Variants in AKAP13 observed in about 807,000 individuals in gnomAD.
The protein encoded by AKAP13 is A-kinase anchoring protein 13.
AKAP13 carries 80 observed loss-of-function variants against 264.5 expected under a neutral mutation model. The observed-to-expected ratio is 0.30, with a 90% CI of 0.25 to 0.36. The LOEUF is 0.36. Ranked by LOEUF, AKAP13 falls within the 10% of genes least tolerant of loss-of-function variation. The pLI, the probability that AKAP13 is intolerant of heterozygous loss-of-function variation, is 1.00. For missense variants in AKAP13, 3,712 were observed against 3,435.2 expected (o/e 1.08, Z -2.01); for synonymous variants, 1,380 against 1,250.2 (o/e 1.10, Z -2.19).
intron 1 of AKAP13, among the ~76,000 whole-genome samples, chr15:85,393,660 A>C (rs1715975824): frequency 6.6e-6 from 1 of 152,252 alleles, no homozygotes; most frequent in African/African-American, 2.4e-5. Flanking sequence ...TAATCCTATA[A>C]GACAGATATT....
At chr15:85,457,969 G>A (rs1280901368) in intron 1 of AKAP13, among the ~76,000 whole-genome samples, 2 of 151,656 alleles carry the variant, frequency 1.3e-5, no homozygotes, top group South Asian at 2.1e-4. Context: ...GTGAAACCCC[G>A]TCTCTACTAA....
chr15:85,437,862 A>G (rs1327357210), intron 1 of AKAP13, among the ~76,000 whole-genome samples: 1 of 151,714 alleles, frequency 6.6e-6, no homozygotes, highest in African/African-American at 2.4e-5. Flanking sequence ...CCAATATCAT[A>G]CTGAATGGGC....
At chr15:85,735,274 A>G in intron 31 of AKAP13, 124 bp downstream of exon 31, 1 of 1,281,056 alleles carries the variant, frequency 7.8e-7, no homozygotes. Flanking sequence ...GTGAGATTTC[A>G]AGACACTCAA....
chr15:85,720,844 T>C (rs573277808), intron 23 of AKAP13, among the ~76,000 whole-genome samples: 4 of 152,336 alleles, frequency 2.6e-5, no homozygotes, highest in Admixed American at 2.0e-4. Context: ...CAGGTAGAAC[T>C]ACAAAGGGGG....
rs2089358563 is a variant in AKAP13 at position 85,746,028 on chromosome 15, A to G, written c.*1351A>G. 1 of 152,282 alleles carries G rather than the reference A, an allele frequency of 6.6e-6. No homozygotes were observed. Among genetic ancestry groups the G allele is most frequent in the African/African-American group, 2.4e-5 (1 of 41,422 alleles). The allele number at this position is 152,282 out of a possible 1,614,324, so 9.4% of individuals were successfully genotyped here. ...TTTCCCCAGCTGGTGTGTGCAGGAC[A>G]GTTCATGGTAATGTTGCCCTCTGAG... On this transcript the variant is annotated 3_prime_UTR_variant, in exon 37 of 37. Coordinates refer to ENST00000394518, the MANE Select transcript of AKAP13 (RefSeq NM_007200.5).
intron 1 of AKAP13, among the ~76,000 whole-genome samples, chr15:85,383,226 T>C (rs1365105743): frequency 6.6e-6 from 1 of 152,082 alleles, no homozygotes; most frequent in African/African-American, 2.4e-5. Flanking sequence ...ACAAATCTAG[T>C]CACAACTCTC....
chr15:85,736,163 A>G, intron 33 of AKAP13, 29 bp downstream of exon 33: 2 of 1,545,518 alleles, frequency 1.3e-6, no homozygotes, highest in Non-Finnish European at 1.8e-6. Context: ...ATTTAAGAAA[A>G]TATGTGTTTG....
intron 34 of AKAP13, 143 bp from the exon 35 acceptor site, chr15:85,740,903 T>C: frequency 2.9e-6 from 4 of 1,389,596 alleles, no homozygotes; most frequent in Non-Finnish European, 3.8e-6. Flanking sequence ...CTGGAGCATT[T>C]TTATGAGACG....
chr15:85,412,946 G>T (rs1423356234), intron 1 of AKAP13, among the ~76,000 whole-genome samples: 1 of 152,146 alleles, frequency 6.6e-6, no homozygotes. Context: ...ACAAATCAGG[G>T]GGCTAAGGCA....
chr15:85,581,182 C>T lies in AKAP13; in HGVS notation c.3114C>T (p.Asn1038=). 6.2e-7 allele frequency: 1 copy of T among 1,614,198 alleles called. No individual in the cohort carries two copies. The highest frequency in any genetic ancestry group is 8.5e-7 in the Non-Finnish European group (1 of 1,180,020). ...AGGAAGCCTTGGGGGCAGAGCACAA[C>T]AGCTCCGCTCTGTTGCCATGTCTGT... ...SRQEALGAEH[N]SSALLPCLLP... is the part of the protein sequence containing the mutation. Residue 1038 remains asparagine, a synonymous_variant, in exon 7 of 37, where the codon AAC becomes AAT. Coordinates refer to ENST00000394518, the MANE Select transcript of AKAP13 (RefSeq NM_007200.5).
rs1597175215 is a variant in AKAP13 at position 85,722,078 on chromosome 15, C to G, written c.6340C>G (p.Leu2114Val). 1 of 1,614,114 alleles carries G rather than the reference C, an allele frequency of 6.2e-7. No individual in the cohort carries two copies. The highest frequency in any genetic ancestry group is 1.1e-5 in the South Asian group (1 of 91,078). The part of the protein sequence containing the change: ...HNQSVNYFKD[L>V]YAKDKRFQAF... Reference sequence around the variant, plus strand: ...CCAGTCTGTAAACTACTTCAAAGACCTTTATGCCAAGGATAAGCGTTTTCA... The same window carrying G: ...CCAGTCTGTAAACTACTTCAAAGACGTTTATGCCAAGGATAAGCGTTTTCA... Residue 2114 changes from leucine to valine, a missense_variant, in exon 24 of 37, where the codon CTT becomes GTT. Transcript: ENST00000394518.
intron 17 of AKAP13, among the ~76,000 whole-genome samples, chr15:85,703,860 A>G (rs1012069822): frequency 6.7e-5 from 10 of 148,150 alleles, no homozygotes; most frequent in African/African-American, 2.2e-4. Context: ...AAAAATATAT[A>G]TATATATATA....
At chr15:85,585,665 T>TAATGATTAAAAA in intron 7 of AKAP13, 37 bp from the exon 8 acceptor site, 1 of 1,612,758 alleles carries the variant, frequency 6.2e-7, no homozygotes, top group Non-Finnish European at 8.5e-7. Context: ...GGAATCAGTT[T>TAATGATTAAAAA]TTAAAAATGT....
At chr15:85,601,853 TC>T (rs1203859390) in intron 8 of AKAP13, among the ~76,000 whole-genome samples, 1 of 142,272 alleles carries the variant, frequency 7.0e-6, no homozygotes, top group Non-Finnish European at 1.6e-5. Flanking sequence ...AATAAACTAA[TC>T]ATTATTAAAA....
intron 1 of AKAP13, among the ~76,000 whole-genome samples, chr15:85,441,153 T>C (rs911689556): frequency 2.5e-4 from 38 of 152,200 alleles, no homozygotes; most frequent in African/African-American, 9.2e-4. Context: ...TCCAGCAATA[T>C]ATGAGGGCTT....
intron 1 of AKAP13, among the ~76,000 whole-genome samples, chr15:85,410,011 T>G (rs2071883277): frequency 6.6e-6 from 1 of 151,708 alleles, no homozygotes; most frequent in African/African-American, 2.4e-5. Context: ...TGAGCTCAAA[T>G]GAAGAAATTA....
At position 85,570,423 on chromosome 15, in the gene AKAP13, G is replaced by T. The variant is rs150424938; in HGVS notation, c.663-4708G>T. ...GCCGAGATCGCGCCACTGCTCTCCA[G>T]CCTGGGTGACAGAACGAGACTCTGT... On this transcript the variant is annotated intron_variant, in intron 5 of 36. Transcript: ENST00000394518. Among the ~76,000 whole-genome samples the T allele has an allele frequency of 1.9e-3, 282 of 152,304 alleles. 1 individual carries two copies. The highest frequency in any genetic ancestry group is 6.5e-3 in the African/African-American group (272 of 41,552).
At chr15:85,606,087 C>G (rs1486877798) in intron 8 of AKAP13, among the ~76,000 whole-genome samples, 2 of 72,098 alleles carry the variant, frequency 2.8e-5, no homozygotes. Flanking sequence ...CTGGTTTGAT[C>G]TACTTTTTTT....
chr15:85,390,043 G>A (rs1366933506), intron 1 of AKAP13, among the ~76,000 whole-genome samples: 1 of 152,154 alleles, frequency 6.6e-6, no homozygotes, highest in Non-Finnish European at 1.5e-5. Flanking sequence ...TAAGTTATTT[G>A]TCTCTGAAAT....
Sources: gnomAD v4.1 joint callset for allele counts (sites outside exome capture counted in the v4.1 genomes callset) on GRCh38, gnomAD v4.1.1 for gene constraint, MANE v1.5 for transcripts, NCBI Gene and HGNC (gene_info 2026-07-23, HGNC 2026-07-21) for gene names.